The following ADAM7 variants were observed in gnomAD, a reference collection of about 807,000 sequenced individuals.
ADAM7 encodes ADAM metallopeptidase domain 7.
A neutral mutation model predicts 102.9 loss-of-function variants in ADAM7; 97 were observed. That is an observed-to-expected ratio of 0.94 (90% CI 0.80 to 1.12). The LOEUF (loss-of-function observed/expected upper bound fraction) is 1.12. ADAM7 is among the 50% of genes most tolerant of loss of function. The probability of loss-of-function intolerance (pLI) is 0.00; values close to 1 mark genes in which losing one functional copy is unlikely to be tolerated. For synonymous variants in ADAM7, 334 were observed against 304.4 expected, an observed-to-expected ratio of 1.10 and a Z score of -1.01; for missense variants, 991 against 908.7, an observed-to-expected ratio of 1.09 and a Z score of -1.16.
At chr8:24,465,886 G>T in intron 5 of ADAM7, 111 bp downstream of exon 5, 1 of 703,782 alleles carries the variant, frequency 1.4e-6, no homozygotes, top group Non-Finnish European at 2.2e-6. Flanking sequence ...AAATTAATGA[G>T]AAAAAAGCTG....
intron 3 of ADAM7, among the ~76,000 whole-genome samples, chr8:24,448,357 G>C (rs1328138466): frequency 6.6e-6 from 1 of 152,076 alleles, no homozygotes; most frequent in Non-Finnish European, 1.5e-5. Flanking sequence ...CATTGTATTA[G>C]CCACTGCGTA....
At chr8:24,473,896 A>G (rs1819687366) in intron 7 of ADAM7, among the ~76,000 whole-genome samples, 1 of 152,072 alleles carries the variant, frequency 6.6e-6, no homozygotes, top group African/African-American at 2.4e-5. Context: ...TATAGTATAT[A>G]TTTGTGTATG....
At chr8:24,469,109 G>C (rs1257665539) in intron 7 of ADAM7, among the ~76,000 whole-genome samples, 1 of 152,118 alleles carries the variant, frequency 6.6e-6, no homozygotes, top group Non-Finnish European at 1.5e-5. Context: ...AAAAGAAAAA[G>C]TGGAAAATCT....
Position 24,447,200 on chromosome 8 carries a change from A to G in ADAM7, c.171A>G (p.Glu57=). The change falls in exon 3 of 22, where the codon GAA becomes GAG. Residue 57 remains glutamate, a synonymous_variant. Coordinates refer to ENST00000175238, the MANE Select transcript of ADAM7 (RefSeq NM_003817.4). ...TTCTTTTTTAGAAAACGTATGAAGA[A>G]GAATTGTTGTATGAAATAAAACTAA... ...HDDDILKTYE[E]ELLYEIKLNR... is the part of the protein sequence containing the mutation. 6.5e-7 allele frequency: 1 copy of G among 1,549,080 alleles called. No individual in the cohort carries two copies. Among genetic ancestry groups the G allele is most frequent in the South Asian group, 1.2e-5 (1 of 83,682 alleles).
In ADAM7 at chr8:24,508,959, A is replaced by G; in HGVS notation, c.*413A>G. 4 of 1,014,036 alleles carry G rather than the reference A, an allele frequency of 3.9e-6. No individual in the cohort carries two copies. Among genetic ancestry groups the G allele is most frequent in the South Asian group, 8.8e-5 (2 of 22,722 alleles). 62.8% of individuals were successfully genotyped at this position (1,014,036 alleles called of 1,614,324 possible). A position where few individuals can be genotyped will look rare whatever the true frequency, so the allele number is the denominator to read the frequency against. ...TGGAAACATAAAAGTACGTTTTAAA[A>G]CTTGAACATGACATCATTAGCACTA... On this transcript the variant is annotated 3_prime_UTR_variant, in exon 22 of 22. Coordinates refer to ENST00000175238, the MANE Select transcript of ADAM7 (RefSeq NM_003817.4).
chr8:24,443,671 C>T (rs1818450318), intron 2 of ADAM7, among the ~76,000 whole-genome samples: 1 of 152,176 alleles, frequency 6.6e-6, no homozygotes, highest in African/African-American at 2.4e-5. Context: ...GGTGCAGTGG[C>T]TCATGCCTGT....
chr8:24,461,822 A>G (rs1458585720), intron 3 of ADAM7, among the ~76,000 whole-genome samples: 1 of 152,068 alleles, frequency 6.6e-6, no homozygotes, highest in Non-Finnish European at 1.5e-5. Flanking sequence ...AACATTTTCA[A>G]TTTGTTTTTA....
At chr8:24,454,033 G>A (rs1280923999) in intron 3 of ADAM7, among the ~76,000 whole-genome samples, 7 of 152,154 alleles carry the variant, frequency 4.6e-5, no homozygotes, top group South Asian at 2.1e-4. Context: ...AGGAGTACCC[G>A]GCTGTGTGAG....
chr8:24,507,664 T>G, intron 21 of ADAM7, 129 bp downstream of exon 21: 1 of 711,732 alleles, frequency 1.4e-6, no homozygotes, highest in Non-Finnish European at 2.2e-6. Flanking sequence ...TTAGGAAGGT[T>G]AGAATTTTTT....
chr8:24,454,903 T>C (rs1818971051), intron 3 of ADAM7, among the ~76,000 whole-genome samples: 1 of 152,168 alleles, frequency 6.6e-6, no homozygotes, highest in South Asian at 2.1e-4. Flanking sequence ...TTAAATCAGA[T>C]TGTACATTCA....
chr8:24,507,294 C>T (rs1458091490), intron 20 of ADAM7, among the ~76,000 whole-genome samples, 186 bp from the exon 21 acceptor site: 1 of 152,042 alleles, frequency 6.6e-6, no homozygotes, highest in Admixed American at 6.6e-5. Flanking sequence ...CTCCCTCAAT[C>T]CCATAGGAAT....
chr8:24,460,064 C>A (rs1464241891), intron 3 of ADAM7, among the ~76,000 whole-genome samples: 1 of 151,246 alleles, frequency 6.6e-6, no homozygotes, highest in Non-Finnish European at 1.5e-5. Flanking sequence ...ATTTAATTAC[C>A]AATGTTTGGA....
At chr8:24,501,621 T>G (rs1056647165) in intron 20 of ADAM7, 45 bp downstream of exon 20, 1 of 1,482,222 alleles carries the variant, frequency 6.7e-7, no homozygotes, top group Admixed American at 2.1e-5. Flanking sequence ...GATTTTTTTT[T>G]TTTAAGTAGC....
At chr8:24,442,215 C>T (rs1262479601) in intron 1 of ADAM7, among the ~76,000 whole-genome samples, 3 of 151,996 alleles carry the variant, frequency 2.0e-5, no homozygotes, top group Non-Finnish European at 4.4e-5. Flanking sequence ...ATTACAGCTG[C>T]AGAACATGGC....
intron 3 of ADAM7, among the ~76,000 whole-genome samples, chr8:24,448,255 T>G (rs1189002219): frequency 6.6e-6 from 1 of 152,156 alleles, no homozygotes; most frequent in East Asian, 1.9e-4. Context: ...GTCACAATAC[T>G]CATAAGCACA....
chr8:24,446,499 T>G (rs917723261), intron 2 of ADAM7, among the ~76,000 whole-genome samples: 5 of 152,124 alleles, frequency 3.3e-5, no homozygotes, highest in Non-Finnish European at 7.4e-5. Context: ...TTTTTTTTCA[T>G]GTCATTGAAA....
At chr8:24,499,392 G>A in intron 17 of ADAM7, 76 bp downstream of exon 17, 4 of 989,066 alleles carry the variant, frequency 4.0e-6, no homozygotes, top group Non-Finnish European at 5.8e-6. Flanking sequence ...ATATGTGCAT[G>A]TATATGTATG....
At chr8:24,484,088 A>T (rs1820052582) in intron 9 of ADAM7, among the ~76,000 whole-genome samples, 1 of 152,144 alleles carries the variant, frequency 6.6e-6, no homozygotes, top group Non-Finnish European at 1.5e-5. Context: ...CCATGAGAGG[A>T]CACTCAAGAT....
chr8:24,450,173 C>T (rs1459780172), intron 3 of ADAM7, among the ~76,000 whole-genome samples: 1 of 152,014 alleles, frequency 6.6e-6, no homozygotes, highest in African/African-American at 2.4e-5. Flanking sequence ...GTAGTTTTTT[C>T]CAATTCTGTG....
Sources: allele counts gnomAD v4.1 joint callset (sites outside exome capture counted in the v4.1 genomes callset), GRCh38; gene constraint gnomAD v4.1.1; transcripts MANE v1.5; gene names NCBI Gene and HGNC (gene_info 2026-07-23, HGNC 2026-07-21).